PCDH15: variants seen among roughly 807,000 people sequenced by gnomAD.
PCDH15 encodes protocadherin related 15.
PCDH15 carries 129 observed loss-of-function variants against 178.5 expected under a neutral mutation model. The observed-to-expected ratio is 0.72, with a 90% CI of 0.63 to 0.84. The LOEUF (loss-of-function observed/expected upper bound fraction) is 0.84. Ranked by LOEUF, PCDH15 falls within the 40% of genes least tolerant of loss-of-function variation. The pLI is 0.00. For synonymous variants in PCDH15, 800 were observed against 732.0 expected, an observed-to-expected ratio of 1.09 and a Z score of -1.50; for missense variants, 2,230 against 2,099.9, an observed-to-expected ratio of 1.06 and a Z score of -1.21.
At chr10:55,461,183 C>T (rs1839668852) in intron 2 of PCDH15, among the ~76,000 whole-genome samples, 2 of 152,112 alleles carry the variant, frequency 1.3e-5, no homozygotes, top group Admixed American at 6.6e-5. Context: ...CTCCGTATGG[C>T]CTTCTTCTGC....
At chr10:55,415,922 C>T (rs1838470138) in intron 2 of PCDH15, among the ~76,000 whole-genome samples, 1 of 151,566 alleles carries the variant, frequency 6.6e-6, no homozygotes, top group Non-Finnish European at 1.5e-5. Context: ...CTATAAAGAG[C>T]CATATTTTTT....
chr10:54,615,894 C>A (rs375414300), intron 2 of PCDH15, among the ~76,000 whole-genome samples: 1 of 151,854 alleles, frequency 6.6e-6, no homozygotes, highest in Admixed American at 6.6e-5. Flanking sequence ...TGGAAAATGG[C>A]GATGGATACT....
intron 2 of PCDH15, among the ~76,000 whole-genome samples, chr10:54,569,648 G>A (rs992146011): frequency 6.6e-6 from 1 of 152,104 alleles, no homozygotes; most frequent in Non-Finnish European, 1.5e-5. Context: ...GTTGGCTTTG[G>A]GGGATTTTTC....
chr10:55,493,153 T>C (rs1589079012), intron 2 of PCDH15, among the ~76,000 whole-genome samples: 1 of 151,142 alleles, frequency 6.6e-6, no homozygotes, highest in African/African-American at 2.4e-5. Flanking sequence ...GACTGAAAAC[T>C]TGCCAAATTT....
intron 2 of PCDH15, among the ~76,000 whole-genome samples, chr10:54,910,207 G>A (rs1207128326): frequency 6.6e-6 from 1 of 152,100 alleles, no homozygotes; most frequent in African/African-American, 2.4e-5. Flanking sequence ...CTGGATGGCA[G>A]CACCTGCTCC....
intron 18 of PCDH15, among the ~76,000 whole-genome samples, chr10:54,050,450 C>T (rs1473194501): frequency 6.6e-6 from 1 of 151,982 alleles, no homozygotes; most frequent in Non-Finnish European, 1.5e-5. Context: ...GATTTCCTCT[C>T]TTTTTATTTG....
intron 1 of PCDH15, among the ~76,000 whole-genome samples, chr10:55,242,488 T>C (rs1008203104): frequency 6.6e-6 from 1 of 152,186 alleles, no homozygotes; most frequent in Non-Finnish European, 1.5e-5. Context: ...ATCAATTTAA[T>C]GTGTAAATAT....
intron 26 of PCDH15, among the ~76,000 whole-genome samples, chr10:53,900,415 CAAT>C (rs950100610): frequency 1.6e-4 from 25 of 152,116 alleles, no homozygotes; most frequent in Admixed American, 1.3e-4. Context: ...GAGACACAAT[CAAT>C]CCCAACACTG....
In PCDH15 at chr10:53,808,768, G is replaced by A. The variant is rs775641445; in HGVS notation, c.4672-1638C>T. 6.8e-6 allele frequency: 11 copies of A among 1,612,226 alleles called. No homozygotes were observed. Among genetic ancestry groups the A allele is most frequent in the South Asian group, 6.6e-5 (6 of 90,640 alleles). On this transcript the variant is annotated intron_variant, in intron 37 of 37. Transcript: ENST00000644397. Reference sequence around the variant, plus strand: ...GTTTGCATTCTTGCTTCTGTCATACGCTGGTACCTGATAGCCCCATGGACC... The same window carrying A: ...GTTTGCATTCTTGCTTCTGTCATACACTGGTACCTGATAGCCCCATGGACC...
rs529966686 is a variant in PCDH15, at chr10:55,117,462, C to T, written c.-80+49114G>A. 6.6e-5 allele frequency among the ~76,000 whole-genome samples: 10 copies of T among 152,268 alleles called. No homozygotes were observed. In the South Asian group the frequency reaches 1.0e-3, roughly 16 times the overall value. ...AAACAAGAGTTCTTGCAAACATAGA[C>T]AAGATACTGTGGGCTTGAGGTATTA... On this transcript the variant is annotated intron_variant, in intron 2 of 5. Transcript: ENST00000458638.
chr10:54,961,684 C>G (rs907383073), intron 2 of PCDH15, among the ~76,000 whole-genome samples: 2 of 152,218 alleles, frequency 1.3e-5, no homozygotes, highest in Non-Finnish European at 1.5e-5. Flanking sequence ...TTCCAGACAA[C>G]TGCCTGCAGT....
chr10:54,526,561 T>C (rs780862585), intron 3 of PCDH15, among the ~76,000 whole-genome samples: 1 of 152,198 alleles, frequency 6.6e-6, no homozygotes, highest in Non-Finnish European at 1.5e-5. Context: ...TTCTCTACTG[T>C]AGACACATTT....
chr10:54,942,426 G>T (rs1371381365), intron 2 of PCDH15, among the ~76,000 whole-genome samples: 1 of 150,916 alleles, frequency 6.6e-6, no homozygotes, highest in African/African-American at 2.4e-5. Flanking sequence ...TAATTTTCAC[G>T]AGTTATTTTT....
intron 1 of PCDH15, among the ~76,000 whole-genome samples, chr10:54,779,926 ATTGGT>A (rs1328586958): frequency 1.3e-5 from 2 of 152,116 alleles, no homozygotes; most frequent in Non-Finnish European, 2.9e-5. Context: ...ATTGGCCACT[ATTGGT>A]TTATGTTCAT....
chr10:55,053,088 G>T (rs1020114319), intron 2 of PCDH15, among the ~76,000 whole-genome samples: 1 of 152,034 alleles, frequency 6.6e-6, no homozygotes, highest in Admixed American at 6.6e-5. Flanking sequence ...ATTCACAAAA[G>T]GACATCATAA....
Position 54,763,702 on chromosome 10 carries a change from A to G in PCDH15, c.-29+37223T>C, listed in dbSNP as rs184573471. The stretch of plus-strand genomic sequence containing the variant: ...TGATTTTTACGTGTGGTATGCATGT[A>G]TCAAAATATCACATTTACTTTTTAT... On this transcript the variant is annotated intron_variant, in intron 1 of 37. Transcript: ENST00000644397. Among the ~76,000 whole-genome samples the G allele has an allele frequency of 8.8e-4, 132 of 150,186 alleles. No homozygotes were observed. In the East Asian group the frequency reaches 0.01, roughly 12 times the overall value.
At chr10:54,661,945 G>A (rs1235173936) in intron 2 of PCDH15, among the ~76,000 whole-genome samples, 1 of 151,764 alleles carries the variant, frequency 6.6e-6, no homozygotes, top group African/African-American at 2.4e-5. Flanking sequence ...TAAAACTATA[G>A]AGATCATAGA....
chr10:53,973,384 T>C (rs921328144), intron 21 of PCDH15, among the ~76,000 whole-genome samples: 3 of 151,996 alleles, frequency 2.0e-5, no homozygotes, highest in Admixed American at 1.3e-4. Context: ...GGCACATGTA[T>C]ACATATGTAA....
In PCDH15 at chr10:55,154,552, A is replaced by C. The variant is rs187642663; in HGVS notation, c.-80+12024T>G. On this transcript the variant is annotated intron_variant, in intron 2 of 5. Transcript: ENST00000458638. The stretch of plus-strand genomic sequence containing the variant: ...TTAACAGTAAAGCAACTAGCTTTAA[A>C]GTTATCAGTTAGTGAAGGGTGCAGC... Among the ~76,000 whole-genome samples, 598 of 152,276 alleles carry C rather than the reference A, an allele frequency of 3.9e-3. 5 individuals are homozygous for C. The highest frequency in any genetic ancestry group is 0.027 in the Middle Eastern group (8 of 294).
Sources: gnomAD v4.1 joint callset for allele counts (sites outside exome capture counted in the v4.1 genomes callset) on GRCh38, gnomAD v4.1.1 for gene constraint, MANE v1.5 for transcripts, NCBI Gene and HGNC (gene_info 2026-07-23, HGNC 2026-07-21) for gene names.